Variants in CDH11 observed in about 807,000 individuals in gnomAD.
CDH11 encodes cadherin 11.
Under a neutral mutation model 67.8 loss-of-function variants are expected in CDH11, and 11 were observed. That is an observed-to-expected ratio of 0.16 (90% CI 0.10 to 0.27). CDH11 has a LOEUF of 0.27. Among genes scored for constraint, CDH11 ranks in the 10% least tolerant of loss-of-function variants. The pLI is 1.00. For missense variants in CDH11, 847 were observed against 1,031.2 expected (o/e 0.82, Z 2.45); for synonymous variants, 419 against 400.0 (o/e 1.05, Z -0.57).
chr16:64,989,478 G>A (rs1026189729), intron 6 of CDH11, among the ~76,000 whole-genome samples: 10 of 152,288 alleles, frequency 6.6e-5, no homozygotes, highest in South Asian at 4.1e-4. Flanking sequence ...GACTGAGGAA[G>A]ACAATGACGT....
intron 2 of CDH11, among the ~76,000 whole-genome samples, chr16:65,007,420 C>T (rs867413151): frequency 1.3e-5 from 2 of 152,152 alleles, no homozygotes; most frequent in Admixed American, 6.6e-5. Flanking sequence ...GAAAAGGCAG[C>T]GTCATCATTT....
At chr16:65,083,768 C>A (rs1230014966) in intron 1 of CDH11, among the ~76,000 whole-genome samples, 5 of 152,172 alleles carry the variant, frequency 3.3e-5, no homozygotes, top group Non-Finnish European at 5.9e-5. Context: ...TTATGTGCCT[C>A]CAGAGGGAAG....
chr16:65,053,178 T>C (rs1280742367), intron 2 of CDH11, among the ~76,000 whole-genome samples: 1 of 152,212 alleles, frequency 6.6e-6, no homozygotes, highest in Non-Finnish European at 1.5e-5. Flanking sequence ...ATTGCTCCAG[T>C]TACCACCGAG....
At chr16:65,004,375 A>G (rs1303809300) in intron 3 of CDH11, among the ~76,000 whole-genome samples, 2 of 152,196 alleles carry the variant, frequency 1.3e-5, no homozygotes, top group Non-Finnish European at 2.9e-5. Flanking sequence ...CCCATATCTA[A>G]ATAATATGGT....
At chr16:64,998,960 G>A in intron 3 of CDH11, 104 bp from the exon 4 acceptor site, 2 of 908,880 alleles carry the variant, frequency 2.2e-6, no homozygotes, top group Admixed American at 2.3e-5. Context: ...CACACGTCAT[G>A]AAAGGGAGAT....
intron 1 of CDH11, among the ~76,000 whole-genome samples, chr16:65,060,089 C>T (rs1476672021): frequency 6.6e-6 from 1 of 152,126 alleles, no homozygotes; most frequent in Non-Finnish European, 1.5e-5. Context: ...GTAAAAATTA[C>T]TCTTCCCCAC....
At chr16:65,034,194 G>T (rs1306408602) in intron 2 of CDH11, among the ~76,000 whole-genome samples, 3 of 152,184 alleles carry the variant, frequency 2.0e-5, no homozygotes, top group Admixed American at 1.3e-4. Flanking sequence ...AAAGGAGGAG[G>T]CCAAGGAATG....
chr16:65,090,530 C>T (rs548343646), intron 1 of CDH11, among the ~76,000 whole-genome samples: 1 of 152,218 alleles, frequency 6.6e-6, no homozygotes, highest in African/African-American at 2.4e-5. Context: ...CAAACAACTC[C>T]CCATCTCTAA....
chr16:65,107,972 G>A (rs535545776), intron 1 of CDH11, among the ~76,000 whole-genome samples: 1 of 152,178 alleles, frequency 6.6e-6, no homozygotes, highest in Non-Finnish European at 1.5e-5. Flanking sequence ...GAATCACAGG[G>A]CAGCCTATTA....
chr16:64,948,472 T>C, intron 12 of CDH11: 1 of 764,820 alleles, frequency 1.3e-6, no homozygotes, highest in East Asian at 2.5e-5. Context: ...CAAAGGAAGG[T>C]AGCTGTTTTT....
chr16:65,101,295 G>A (rs1307069251), intron 1 of CDH11, among the ~76,000 whole-genome samples: 1 of 152,108 alleles, frequency 6.6e-6, no homozygotes, highest in Admixed American at 6.5e-5. Flanking sequence ...GCATGCACAA[G>A]CAGAGCACCA....
intron 4 of CDH11, among the ~76,000 whole-genome samples, 168 bp downstream of exon 4, chr16:64,998,394 G>A (rs1030361207): frequency 1.7e-4 from 26 of 152,336 alleles, no homozygotes; most frequent in African/African-American, 6.0e-4. Context: ...ACTAGAAATT[G>A]TTATTCCCAT....
At chr16:65,116,177 G>A (rs1427261715) in intron 1 of CDH11, among the ~76,000 whole-genome samples, 1 of 152,162 alleles carries the variant, frequency 6.6e-6, no homozygotes, top group African/African-American at 2.4e-5. Context: ...AGCAATCCGA[G>A]GCAGGGTAGG....
intron 1 of CDH11, among the ~76,000 whole-genome samples, chr16:65,062,451 GA>G (rs1421093128): frequency 1.3e-5 from 2 of 152,236 alleles, no homozygotes; most frequent in East Asian, 3.9e-4. Flanking sequence ...TCCATAGTAA[GA>G]AAAGTAAACT....
At chr16:65,068,249 C>T (rs1016642522) in intron 1 of CDH11, among the ~76,000 whole-genome samples, 1 of 151,476 alleles carries the variant, frequency 6.6e-6, no homozygotes, top group African/African-American at 2.4e-5. Flanking sequence ...AGGGAAACTG[C>T]AAGATAAAGT....
chr16:64,970,837 C>A (rs2071984429), intron 11 of CDH11, among the ~76,000 whole-genome samples: 1 of 152,134 alleles, frequency 6.6e-6, no homozygotes, highest in Non-Finnish European at 1.5e-5. Context: ...CTTAAATGGG[C>A]AATTTCACTA....
chr16:65,082,915 T>C (rs924510338), intron 1 of CDH11, among the ~76,000 whole-genome samples: 2 of 152,296 alleles, frequency 1.3e-5, no homozygotes, highest in Admixed American at 6.5e-5. Flanking sequence ...TTACCTGTAA[T>C]AGGCTGTGGG....
intron 2 of CDH11, 119 bp from the exon 3 acceptor site, chr16:65,005,160 G>A (rs2073021378): frequency 9.2e-6 from 8 of 870,592 alleles, no homozygotes; most frequent in Non-Finnish European, 1.2e-5. Flanking sequence ...GGGCTTTGGG[G>A]AAGCTCACTG....
Position 64,988,117 on chromosome 16 carries a change from G to A in CDH11, c.999+40C>T, listed in dbSNP as rs770551017. The A allele has an allele frequency of 6.6e-6, 10 of 1,510,854 alleles. No homozygotes were observed. In the African/African-American group the frequency reaches 8.3e-5, roughly 13 times the overall value. The allele number at this position is 1,510,854 out of a possible 1,614,324, so 93.6% of individuals were successfully genotyped here. ...TTGCAGTGTTGCCTTGGCAGAGCAG[G>A]CCATACCACTGACACGTCTGATTCC... On this transcript the variant is annotated intron_variant, in intron 7 of 12. Transcript: ENST00000268603.
Sources: allele counts gnomAD v4.1 joint callset (sites outside exome capture counted in the v4.1 genomes callset), GRCh38; gene constraint gnomAD v4.1.1; transcripts MANE v1.5; gene names NCBI Gene and HGNC (gene_info 2026-07-23, HGNC 2026-07-21).